Variants in TRIO observed in about 807,000 individuals in gnomAD.
TRIO encodes the protein triple functional domain protein.
In TRIO, 58 loss-of-function variants were observed where a neutral mutation model predicts 351.9. The ratio of observed to expected loss-of-function variants is 0.16; its 90% CI spans 0.13 to 0.21. The LOEUF (loss-of-function observed/expected upper bound fraction) is 0.21, where lower values mean the gene tolerates loss of function less well. Ranked by LOEUF, TRIO falls within the 10% of genes least tolerant of loss-of-function variation. The pLI is 1.00. For missense variants in TRIO, 3,201 were observed against 4,027.8 expected (o/e 0.79, Z 5.56); for synonymous variants, 1,758 against 1,595.7 (o/e 1.10, Z -2.42).
chr5:14,482,376 A>G (rs758451114), intron 45 of TRIO: 19 of 382,328 alleles, frequency 5.0e-5, no homozygotes, highest in Non-Finnish European at 7.3e-5. Context: ...CCAGAGGTCT[A>G]TACAAATGTT....
intron 5 of TRIO, among the ~76,000 whole-genome samples, chr5:14,291,887 A>C (rs1736948776): frequency 6.6e-6 from 1 of 151,526 alleles, no homozygotes; most frequent in Non-Finnish European, 1.5e-5. Context: ...TTTTAAAATC[A>C]AGATGAGTAA....
At chr5:14,413,643 GTC>G (rs1264755650) in intron 33 of TRIO, among the ~76,000 whole-genome samples, 2 of 152,160 alleles carry the variant, frequency 1.3e-5, no homozygotes, top group African/African-American at 4.8e-5. Context: ...CAAACTGAAT[GTC>G]ATCTTTGATC....
intron 1 of TRIO, among the ~76,000 whole-genome samples, chr5:14,223,130 C>T (rs1792755099): frequency 6.6e-6 from 1 of 152,108 alleles, no homozygotes; most frequent in Non-Finnish European, 1.5e-5. Context: ...CCCAGCTCTG[C>T]CCCAGCTTTG....
rs1581328349 is a variant in TRIO, at chr5:14,197,306, C to A, written c.157+53424C>A. ...ACATAAAGTGTGTATCGAGGTGCTT[C>A]CTGTCTGTCTTATCCCCAGCTCCGT... is the stretch of plus-strand genomic sequence containing the variant. On this transcript the variant is annotated intron_variant, in intron 1 of 56. Coordinates refer to ENST00000344204, the MANE Select transcript of TRIO (RefSeq NM_007118.4). Among the ~76,000 whole-genome samples the A allele has an allele frequency of 3.3e-5, 5 of 152,164 alleles. No homozygotes were observed. The East Asian group carries it at 5.8e-4, about 18-fold the overall frequency.
chr5:14,461,155 C>A lies in TRIO; in HGVS notation c.5340C>A (p.Pro1780=), dbSNP rs1289323110. The change falls in exon 35 of 57, where the codon CCC becomes CCA. Residue 1780 remains proline (P), a synonymous_variant. Coordinates refer to ENST00000344204, the MANE Select transcript of TRIO (RefSeq NM_007118.4). Reference sequence around the variant, plus strand: ...CCCTGCGCAAGTGGCTCACCAGCCCCGTGCGGCGGCTCAGCAGCGGCAAGG... The same window carrying A: ...CCCTGCGCAAGTGGCTCACCAGCCCAGTGCGGCGGCTCAGCAGCGGCAAGG... The part of the protein sequence containing the change: ...GNTLRKWLTS[P]VRRLSSGKAD... 2 of 1,556,248 alleles carry A rather than the reference C, an allele frequency of 1.3e-6. No individual in the cohort carries two copies. The highest frequency in any genetic ancestry group is 1.4e-5 in the African/African-American group (1 of 73,536).
chr5:14,162,098 G>A (rs1788495216), intron 1 of TRIO, among the ~76,000 whole-genome samples: 1 of 152,176 alleles, frequency 6.6e-6, no homozygotes, highest in South Asian at 2.1e-4. Flanking sequence ...GTGGGTTATG[G>A]AATCACGGCC....
At chr5:14,307,806 A>G (rs1198612249) in intron 8 of TRIO, among the ~76,000 whole-genome samples, 1 of 152,182 alleles carries the variant, frequency 6.6e-6, no homozygotes, top group Non-Finnish European at 1.5e-5. Context: ...ATGATCACCT[A>G]TTTCCATTAT....
At chr5:14,264,821 G>A (rs1795568803) in intron 1 of TRIO, among the ~76,000 whole-genome samples, 1 of 152,202 alleles carries the variant, frequency 6.6e-6, no homozygotes, top group African/African-American at 2.4e-5. Flanking sequence ...CTCCCTCTGC[G>A]CGTGCGCTTG....
intron 1 of TRIO, among the ~76,000 whole-genome samples, chr5:14,151,561 A>G (rs1327225254): frequency 2.6e-5 from 4 of 152,238 alleles, no homozygotes; most frequent in African/African-American, 9.6e-5. Context: ...CCTAGTATAT[A>G]TGAAGTGACA....
At chr5:14,390,031 T>TG (rs1156900252) in intron 25 of TRIO, among the ~76,000 whole-genome samples, 200 bp from the exon 26 acceptor site, 1 of 152,190 alleles carries the variant, frequency 6.6e-6, no homozygotes, top group African/African-American at 2.4e-5. Flanking sequence ...CACTAGCACT[T>TG]GCCCAGAAAT....
At chr5:14,394,603 G>A (rs1747401310) in intron 28 of TRIO, among the ~76,000 whole-genome samples, 1 of 152,140 alleles carries the variant, frequency 6.6e-6, no homozygotes, top group African/African-American at 2.4e-5. Flanking sequence ...TTCCACTGAA[G>A]CCACGGAGAA....
intron 1 of TRIO, among the ~76,000 whole-genome samples, chr5:14,213,158 G>T (rs914184182): frequency 6.6e-6 from 1 of 152,130 alleles, no homozygotes; most frequent in Non-Finnish European, 1.5e-5. Flanking sequence ...CACTTAGAGC[G>T]CAGAAGGATT....
intron 1 of TRIO, among the ~76,000 whole-genome samples, chr5:14,184,855 A>T (rs1410810773): frequency 6.6e-6 from 1 of 151,886 alleles, no homozygotes; most frequent in African/African-American, 2.4e-5. Context: ...TGGCGTCTGT[A>T]CTCTAATCTA....
At chr5:14,292,987 C>A (rs140289172) in intron 5 of TRIO, 25 bp from the exon 6 acceptor site, 1 of 1,613,540 alleles carries the variant, frequency 6.2e-7, no homozygotes, top group South Asian at 1.1e-5. Flanking sequence ...GGAGTGATTG[C>A]GGGTTGTCTT....
intron 28 of TRIO, among the ~76,000 whole-genome samples, chr5:14,394,671 C>T (rs543063506): frequency 2.0e-5 from 3 of 152,244 alleles, no homozygotes; most frequent in East Asian, 1.9e-4. Flanking sequence ...ACACCCCTCG[C>T]GGCACACCTT....
At chr5:14,480,690 A>T (rs1335686569) in intron 43 of TRIO, among the ~76,000 whole-genome samples, 1 of 152,242 alleles carries the variant, frequency 6.6e-6, no homozygotes, top group African/African-American at 2.4e-5. Flanking sequence ...TCTTGGATTA[A>T]ACAGGAACAA....
Position 14,388,575 on chromosome 5 carries a change from A to C in TRIO, c.3882-38A>C, listed in dbSNP as rs77542652. The C allele has an allele frequency of 1.5e-3, 2,441 of 1,584,330 alleles. 51 individuals carry two copies. In the East Asian group the frequency reaches 0.042, roughly 27 times the overall value. ...AAAAGTAGATAGTGAAGTAAGCTGCACCCTGACTGTACTCCTCACTGTCTT... is the reference window on the plus strand; with the variant it reads ...AAAAGTAGATAGTGAAGTAAGCTGCCCCCTGACTGTACTCCTCACTGTCTT... On this transcript the variant is annotated intron_variant, in intron 23 of 56. Coordinates refer to ENST00000344204, the MANE Select transcript of TRIO (RefSeq NM_007118.4).
At chr5:14,380,217 G>C (rs1207923386) in intron 20 of TRIO, among the ~76,000 whole-genome samples, 10 of 152,102 alleles carry the variant, frequency 6.6e-5, no homozygotes, top group Admixed American at 6.5e-4. Context: ...TGTCTTACGT[G>C]TTGTTAGAAA....
At chr5:14,270,922 G>A (rs1291912957) in intron 2 of TRIO, 23 bp downstream of exon 2, 1 of 1,567,158 alleles carries the variant, frequency 6.4e-7, no homozygotes, top group South Asian at 1.1e-5. Context: ...TTTCAACTCT[G>A]CTCTATCCAA....
Sources: gnomAD v4.1 joint callset for allele counts (sites outside exome capture counted in the v4.1 genomes callset) on GRCh38, gnomAD v4.1.1 for gene constraint, MANE v1.5 for transcripts, NCBI Gene and HGNC (gene_info 2026-07-23, HGNC 2026-07-21) for gene names.